Variants in GRB2 observed in about 807,000 individuals in gnomAD.
The protein encoded by GRB2 is growth factor receptor-bound protein 2.
A neutral mutation model predicts 27.4 loss-of-function variants in GRB2; 2 were observed. The observed-to-expected ratio is 0.07, with a 90% CI of 0.03 to 0.23. GRB2 has a LOEUF of 0.23. Among genes scored for constraint, GRB2 ranks in the 10% least tolerant of loss-of-function variants. The pLI, the probability that GRB2 is intolerant of heterozygous loss-of-function variation, is 1.00. For synonymous variants in GRB2, 94 were observed against 99.6 expected (o/e 0.94, Z 0.33); for missense variants, 102 against 282.4 (o/e 0.36, Z 4.58).
rs143465837 is a variant in GRB2, at chr17:75,340,059, T to C, written c.79-7262A>G. ...TGGCCTGAACATATTCAGTCATCTG[T>C]AAATGAATAAAAAATAGAAATCATA... On this transcript the variant is annotated intron_variant, in intron 2 of 5. Transcript: ENST00000316804. Among the ~76,000 whole-genome samples the C allele has an allele frequency of 2.9e-3, 443 of 152,294 alleles. 7 individuals carry two copies. The highest frequency in any genetic ancestry group is 0.01 in the African/African-American group (435 of 41,560).
At chr17:75,361,750 T>C (rs2078783299) in intron 2 of GRB2, among the ~76,000 whole-genome samples, 1 of 152,092 alleles carries the variant, frequency 6.6e-6, no homozygotes, top group Non-Finnish European at 1.5e-5. Flanking sequence ...CCTGAAAACA[T>C]TAGGATTTCA....
intron 2 of GRB2, among the ~76,000 whole-genome samples, chr17:75,338,387 G>C (rs949782695): frequency 1.3e-5 from 2 of 152,138 alleles, no homozygotes; most frequent in Non-Finnish European, 2.9e-5. Context: ...TAAAGGCCTA[G>C]TCAGACTCCT....
chr17:75,380,055 G>A (rs778265523), intron 2 of GRB2, among the ~76,000 whole-genome samples: 4 of 152,134 alleles, frequency 2.6e-5, no homozygotes, highest in Admixed American at 6.6e-5. Context: ...TTGTTTATTC[G>A]TAGAGAAAAC....
chr17:75,349,241 CAT>C (rs1250294826), intron 2 of GRB2, among the ~76,000 whole-genome samples: 4 of 152,170 alleles, frequency 2.6e-5, no homozygotes, highest in Non-Finnish European at 5.9e-5. Context: ...ATGGAGCTGT[CAT>C]ATGTTTCAAT....
intron 2 of GRB2, chr17:75,338,785 A>T (rs1387591890): frequency 1.5e-6 from 1 of 679,852 alleles, no homozygotes; most frequent in Non-Finnish European, 2.7e-6. Context: ...CAGAAGAATT[A>T]AAAATATACA....
chr17:75,404,295 A>G (rs919483282), intron 1 of GRB2, among the ~76,000 whole-genome samples: 4 of 152,092 alleles, frequency 2.6e-5, no homozygotes, highest in African/African-American at 9.7e-5. Context: ...CAATCTTTTG[A>G]GCCTCCCCGT....
chr17:75,361,538 A>C lies in GRB2; in HGVS notation c.79-28741T>G, dbSNP rs148576027. ...TCAGGAAACACTACTTCCTTCATCT[A>C]TCTAGACTTATCATATTACAAAGGT... On this transcript the variant is annotated intron_variant, in intron 2 of 5. Coordinates refer to ENST00000316804, the MANE Select transcript of GRB2 (RefSeq NM_002086.5). Among the ~76,000 whole-genome samples the C allele has an allele frequency of 3.9e-4, 59 of 152,272 alleles. 1 individual carries two copies. Among genetic ancestry groups the C allele is most frequent in the African/African-American group, 1.3e-3 (52 of 41,558 alleles).
chr17:75,354,290 A>G (rs561105411), intron 2 of GRB2, among the ~76,000 whole-genome samples: 362 of 125,390 alleles, frequency 2.9e-3, no homozygotes, highest in African/African-American at 0.013. Flanking sequence ...ATGGAGTTTC[A>G]CTCTTGTCTC....
At chr17:75,345,974 G>A (rs113208158) in intron 2 of GRB2, among the ~76,000 whole-genome samples, 15 of 152,226 alleles carry the variant, frequency 9.9e-5, no homozygotes, top group African/African-American at 2.9e-4. Context: ...ATCATCAGAA[G>A]TCGCTGAGAG....
At position 75,329,177 on chromosome 17, in the gene GRB2, A is replaced by G. The variant is rs111621063; in HGVS notation, c.177-3157T>C. 3.9e-3 allele frequency among the ~76,000 whole-genome samples: 597 copies of G among 152,184 alleles called. 9 individuals are homozygous for G. The highest frequency in any genetic ancestry group is 0.014 in the African/African-American group (575 of 41,508). ...ACTCCCCACCACTGCCACTTCCAATAGCAATGGTGAGGGTGAAGATTCTCA... is the reference window on the plus strand; with the variant it reads ...ACTCCCCACCACTGCCACTTCCAATGGCAATGGTGAGGGTGAAGATTCTCA... On this transcript the variant is annotated intron_variant, in intron 3 of 5. Coordinates refer to ENST00000316804, the MANE Select transcript of GRB2 (RefSeq NM_002086.5).
In GRB2 at chr17:75,320,369, T is replaced by TA; in HGVS notation, c.652dup (p.Ter218LeufsTer32). The TA allele has an allele frequency of 6.2e-7, 1 of 1,613,296 alleles. No individual in the cohort carries two copies. Among genetic ancestry groups the TA allele is most frequent in the Non-Finnish European group, 8.5e-7 (1 of 1,179,202 alleles). ...CTTTAAATAATTGCTTCTTGACTCT[T>TA]AGACGTTCCGGTTCACGGGGGTGAC... On this transcript the variant is annotated frameshift_variant and stop_lost, in exon 6 of 6. Coordinates refer to ENST00000316804, the MANE Select transcript of GRB2 (RefSeq NM_002086.5). LOFTEE classifies it high-confidence loss of function. This position sits in a 1 kb window ranked among gnomAD's most constrained non-coding sequence, Gnocchi z 4.3.
chr17:75,389,427 T>C (rs1267682760), intron 2 of GRB2, among the ~76,000 whole-genome samples: 1 of 152,114 alleles, frequency 6.6e-6, no homozygotes, highest in Non-Finnish European at 1.5e-5. Flanking sequence ...TACCATCAAA[T>C]ACTACTAAGA....
chr17:75,392,264 T>C (rs1019543340), intron 2 of GRB2, among the ~76,000 whole-genome samples: 13 of 152,256 alleles, frequency 8.5e-5, no homozygotes, highest in African/African-American at 2.7e-4. Flanking sequence ...CAATTTAGTG[T>C]TGACTTTGAG....
intron 2 of GRB2, among the ~76,000 whole-genome samples, chr17:75,378,467 G>C (rs776261130): frequency 2.0e-5 from 3 of 152,140 alleles, no homozygotes; most frequent in Non-Finnish European, 4.4e-5. Context: ...GGATATGCGG[G>C]TGAGAGGCAT....
intron 2 of GRB2, chr17:75,372,954 T>C (rs1430078261): frequency 2.6e-5 from 4 of 152,178 alleles, no homozygotes; most frequent in Non-Finnish European, 5.9e-5. Context: ...AAAGAACAGA[T>C]ATTTGGCTGG....
At chr17:75,398,520 CA>C (rs1032959897) in intron 1 of GRB2, among the ~76,000 whole-genome samples, 2 of 152,122 alleles carry the variant, frequency 1.3e-5, no homozygotes, top group African/African-American at 4.8e-5. Context: ...CTTGGCCTCC[CA>C]AAGTGCTGGG....
chr17:75,364,950 A>G (rs2078809904), intron 2 of GRB2, among the ~76,000 whole-genome samples: 1 of 152,094 alleles, frequency 6.6e-6, no homozygotes, highest in African/African-American at 2.4e-5. Flanking sequence ...AGCATCTCTC[A>G]TTTTTCAGAA....
chr17:75,326,023 A>G lies in GRB2; in HGVS notation c.177-3T>C, dbSNP rs1228870429. On this transcript the variant is annotated splice_region_variant and splice_polypyrimidine_tract_variant and intron_variant, in intron 3 of 5. Transcript: ENST00000316804. Reference sequence around the variant, plus strand: ...TGGGGATTTTGCCAAAAAACCACCTAAGGAAGGAAGGCAAGCTGGTCAACA... The same window carrying G: ...TGGGGATTTTGCCAAAAAACCACCTGAGGAAGGAAGGCAAGCTGGTCAACA... The G allele has an allele frequency of 6.2e-7, 1 of 1,614,090 alleles. No homozygotes were observed. Among genetic ancestry groups the G allele is most frequent in the Non-Finnish European group, 8.5e-7 (1 of 1,179,984 alleles).
At chr17:75,343,158 TG>T (rs2078632905) in intron 2 of GRB2, among the ~76,000 whole-genome samples, 1 of 146,424 alleles carries the variant, frequency 6.8e-6, no homozygotes, top group African/African-American at 2.6e-5. Context: ...AGAGAGGAGG[TG>T]TAAGTCTGTT....
Sources: gnomAD v4.1 joint callset for allele counts (sites outside exome capture counted in the v4.1 genomes callset) on GRCh38, gnomAD v4.1.1 for gene constraint, Gnocchi (gnomAD v3.1) non-coding constraint, MANE v1.5 for transcripts, NCBI Gene and HGNC (gene_info 2026-07-23, HGNC 2026-07-21) for gene names.